SLC4A4: variants seen among roughly 807,000 people sequenced by gnomAD.
SLC4A4 encodes electrogenic sodium bicarbonate cotransporter 1.
Under a neutral mutation model 111.5 loss-of-function variants are expected in SLC4A4, and 27 were observed. The ratio of observed to expected loss-of-function variants is 0.24; its 90% CI spans 0.18 to 0.33. The LOEUF (loss-of-function observed/expected upper bound fraction) is 0.33. Ranked by LOEUF, SLC4A4 falls within the 10% of genes least tolerant of loss-of-function variation. The probability of loss-of-function intolerance (pLI) is 1.00; values close to 1 mark genes in which losing one functional copy is unlikely to be tolerated. For missense variants in SLC4A4, 909 were observed against 1,315.5 expected (o/e 0.69, Z 4.78); for synonymous variants, 443 against 463.4 (o/e 0.96, Z 0.57).
intron 5 of SLC4A4, among the ~76,000 whole-genome samples, chr4:71,354,873 A>G (rs1242601748): frequency 1.3e-5 from 2 of 152,152 alleles, no homozygotes; most frequent in Non-Finnish European, 2.9e-5. Flanking sequence ...TTGATGCTCC[A>G]TGAAGTTCCT....
At position 71,283,550 on chromosome 4, in the gene SLC4A4, C is replaced by G. The variant is rs572523212; in HGVS notation, c.253+28151C>G. On this transcript the variant is annotated intron_variant, in intron 3 of 25. Coordinates refer to ENST00000264485, the MANE Select transcript of SLC4A4 (RefSeq NM_001098484.3). ...TGTGCCAGGTCCATAGCCTCGTTAC[C>G]CCAGTTTCCAGAGAAGAAAATGTTA... Among the ~76,000 whole-genome samples, 8 of 152,244 alleles carry G rather than the reference C, an allele frequency of 5.3e-5. No homozygotes were observed. In the South Asian group the frequency reaches 1.7e-3, roughly 32 times the overall value.
Position 71,560,235 on chromosome 4 carries a change from T to C in SLC4A4, c.3080T>C (p.Leu1027Pro). 1.2e-6 allele frequency: 2 copies of C among 1,609,128 alleles called. No homozygotes were observed. Among genetic ancestry groups the C allele is most frequent in the Non-Finnish European group, 1.7e-6 (2 of 1,177,084 alleles). Reference protein sequence around the residue: ...EKKKKKKKGSLDSDNDDSDCP... With the variant: ...EKKKKKKKGSPDSDNDDSDCP... ...AAAAAGAAAAAGAAGAAGGGAAGTC[T>C]GGACAGTGACAATGATGATGTAAGG... is the stretch of plus-strand genomic sequence containing the variant. Residue 1027 changes from leucine to proline, a missense_variant, in exon 23 of 26, where the codon CTG becomes CCG. Leu to Pro is a moderately conservative substitution (Grantham distance 98). Transcript: ENST00000264485.
chr4:71,134,611 T>C (rs1349129857), intron 2 of SLC4A4, among the ~76,000 whole-genome samples: 4 of 152,242 alleles, frequency 2.6e-5, no homozygotes, highest in African/African-American at 9.6e-5. Flanking sequence ...TCAATATCAC[T>C]GAATACTAGA....
At chr4:71,450,984 A>T (rs1256821342) in intron 10 of SLC4A4, among the ~76,000 whole-genome samples, 1 of 152,222 alleles carries the variant, frequency 6.6e-6, no homozygotes, top group Non-Finnish European at 1.5e-5. Context: ...CATACAGTTC[A>T]TTCAACTTTC....
intron 2 of SLC4A4, among the ~76,000 whole-genome samples, chr4:71,242,855 G>C (rs950162701): frequency 6.6e-6 from 1 of 151,754 alleles, no homozygotes; most frequent in African/African-American, 2.4e-5. Flanking sequence ...CCTACATCTA[G>C]CCTTTGCCTT....
intron 2 of SLC4A4, among the ~76,000 whole-genome samples, chr4:71,246,759 A>G (rs935268994): frequency 2.0e-5 from 3 of 151,922 alleles, no homozygotes; most frequent in Non-Finnish European, 4.4e-5. Context: ...TTTTCCAGAC[A>G]GTGGAGGATG....
chr4:71,072,440 C>T (rs981373097), intron 1 of SLC4A4, among the ~76,000 whole-genome samples: 1 of 152,088 alleles, frequency 6.6e-6, no homozygotes, highest in Non-Finnish European at 1.5e-5. Flanking sequence ...CAATTTATCA[C>T]CCATTCAGTA....
intron 6 of SLC4A4, among the ~76,000 whole-genome samples, chr4:71,360,911 T>C (rs1730716439): frequency 6.6e-6 from 1 of 151,926 alleles, no homozygotes; most frequent in African/African-American, 2.4e-5. Flanking sequence ...GTGAGAAAAA[T>C]GGAATTTATT....
chr4:71,179,153 AAT>A lies in SLC4A4; in HGVS notation c.-1-57422_-1-57421del, dbSNP rs1414343905. 4.9e-3 allele frequency among the ~76,000 whole-genome samples: 749 copies of A among 152,300 alleles called. 6 individuals are homozygous for A. Among genetic ancestry groups the A allele is most frequent in the African/African-American group, 0.017 (717 of 41,550 alleles). On this transcript the variant is annotated intron_variant, in intron 2 of 26. Transcript: ENST00000649996. ...GAAAAGGCCTTTGACAAAATTCAAC[AAT>A]GCTTCATGCTAAAAACTCTCAATAA...
chr4:71,268,382 A>G (rs1235889090), intron 3 of SLC4A4, among the ~76,000 whole-genome samples: 2 of 152,190 alleles, frequency 1.3e-5, no homozygotes, highest in African/African-American at 2.4e-5. Flanking sequence ...GGTCAAGAGG[A>G]CACAAAACCT....
At chr4:71,526,498 C>T (rs1733431716) in intron 16 of SLC4A4, among the ~76,000 whole-genome samples, 1 of 151,976 alleles carries the variant, frequency 6.6e-6, no homozygotes, top group Non-Finnish European at 1.5e-5. Flanking sequence ...ACTTTTATGC[C>T]TGTACTGTAA....
intron 2 of SLC4A4, among the ~76,000 whole-genome samples, chr4:71,165,030 G>A (rs1017780166): frequency 8.5e-5 from 13 of 152,158 alleles, no homozygotes; most frequent in Non-Finnish European, 1.0e-4. Flanking sequence ...TCAGAATGGT[G>A]ATCATTAAAA....
chr4:71,363,347 T>G (rs1441791422), intron 6 of SLC4A4, among the ~76,000 whole-genome samples: 2 of 152,214 alleles, frequency 1.3e-5, no homozygotes, highest in Admixed American at 1.3e-4. Context: ...TAGATCCAGA[T>G]GCCTTGACAC....
At chr4:71,508,895 C>T (rs904234663) in intron 16 of SLC4A4, among the ~76,000 whole-genome samples, 1 of 152,122 alleles carries the variant, frequency 6.6e-6, no homozygotes, top group Non-Finnish European at 1.5e-5. Flanking sequence ...GCACGTCCAG[C>T]TTATCCACCA....
intron 3 of SLC4A4, among the ~76,000 whole-genome samples, chr4:71,306,010 G>A (rs1481900081): frequency 6.6e-6 from 1 of 152,172 alleles, no homozygotes; most frequent in Admixed American, 6.5e-5. Context: ...ACACATAGTA[G>A]GCACTCAGTA....
At chr4:71,490,675 G>A (rs945689494) in intron 15 of SLC4A4, among the ~76,000 whole-genome samples, 1 of 151,742 alleles carries the variant, frequency 6.6e-6, no homozygotes, top group African/African-American at 2.4e-5. Context: ...ATCTAAGGGG[G>A]AACTCTTTTA....
At position 71,419,680 on chromosome 4, in the gene SLC4A4, C is replaced by G. The variant is rs192394921; in HGVS notation, c.808-20936C>G. Among the ~76,000 whole-genome samples the G allele has an allele frequency of 2.6e-3, 395 of 152,348 alleles. 1 individual carries two copies. The highest frequency in any genetic ancestry group is 8.9e-3 in the African/African-American group (369 of 41,582). On this transcript the variant is annotated intron_variant, in intron 7 of 25. Coordinates refer to ENST00000264485, the MANE Select transcript of SLC4A4 (RefSeq NM_001098484.3). ...GGCAATGCCTTGCCCTCCTTCGGCTCGTGCACGGTGCGCTGCACCTACTGA... is the reference window on the plus strand; with the variant it reads ...GGCAATGCCTTGCCCTCCTTCGGCTGGTGCACGGTGCGCTGCACCTACTGA...
At chr4:71,431,608 C>T (rs1208434019) in intron 7 of SLC4A4, among the ~76,000 whole-genome samples, 1 of 152,054 alleles carries the variant, frequency 6.6e-6, no homozygotes, top group Non-Finnish European at 1.5e-5. Flanking sequence ...AGAGTCCATT[C>T]CTTCATAATA....
chr4:71,186,118 G>T (rs751905140), upstream of SLC4A4, among the ~76,000 whole-genome samples: 1 of 152,114 alleles, frequency 6.6e-6, no homozygotes, highest in Non-Finnish European at 1.5e-5. Context: ...CAATGGTGCT[G>T]GATCACTGAT....
Sources: allele counts gnomAD v4.1 joint callset (sites outside exome capture counted in the v4.1 genomes callset), GRCh38; gene constraint gnomAD v4.1.1; transcripts MANE v1.5; gene names NCBI Gene and HGNC (gene_info 2026-07-23, HGNC 2026-07-21).